Variants in CNTRL observed in about 807,000 individuals in gnomAD.
CNTRL encodes centriolin.
Under a neutral mutation model 303.7 loss-of-function variants are expected in CNTRL, and 233 were observed. That is an observed-to-expected ratio of 0.77 (90% CI 0.69 to 0.86). The LOEUF (loss-of-function observed/expected upper bound fraction) is 0.86. Among genes scored for constraint, CNTRL ranks in the 40% least tolerant of loss-of-function variants. The pLI, the probability that CNTRL is intolerant of heterozygous loss-of-function variation, is 0.00. For missense variants in CNTRL, 2,524 were observed against 2,650.6 expected, an observed-to-expected ratio of 0.95 and a Z score of 1.05; for synonymous variants, 900 against 922.2, an observed-to-expected ratio of 0.98 and a Z score of 0.44.
At chr9:121,084,963 A>G (rs770202516) in intron 2 of CNTRL, among the ~76,000 whole-genome samples, 2 of 152,198 alleles carry the variant, frequency 1.3e-5, no homozygotes, top group African/African-American at 2.4e-5. Context: ...GAAAACATTT[A>G]AAGGAATTTG....
intron 34 of CNTRL, 164 bp downstream of exon 34, chr9:121,162,435 G>A: frequency 3.3e-6 from 2 of 600,134 alleles, no homozygotes; most frequent in African/African-American, 2.0e-5. Flanking sequence ...TTTCCTTCTA[G>A]CTTTTTTTTT....
chr9:121,097,584 T>TC (rs58576016), intron 6 of CNTRL, among the ~76,000 whole-genome samples: 103,012 of 151,910 alleles, frequency 0.68, 35,646 homozygotes, highest in East Asian at 0.96. Flanking sequence ...CCTGTGACAG[T>TC]CAAGAGCCTC....
rs566276339 is a variant in CNTRL at position 121,084,608 on chromosome 9, G to T, written c.-31-3688G>T. Among the ~76,000 whole-genome samples the T allele has an allele frequency of 2.5e-3, 373 of 151,366 alleles. 8 individuals carry two copies. The highest frequency in any genetic ancestry group is 6.8e-3 in the Middle Eastern group (2 of 294). ...CACCCAGGCTGGAGTGCAGTGGCGC[G>T]ATCTTGGCTCACTGCAAGCTCCGCC... On this transcript the variant is annotated intron_variant, in intron 2 of 43. Transcript: ENST00000373855.
rs1275337994 is a variant in CNTRL, at chr9:121,157,959, T to C, written c.4638-24T>C. 4.3e-6 allele frequency: 7 copies of C among 1,614,016 alleles called. No individual in the cohort carries two copies. The Admixed American group carries it at 6.7e-5, about 15-fold the overall frequency. On this transcript the variant is annotated intron_variant, in intron 29 of 43. Transcript: ENST00000373855. ...GGGTTCCGAGTCCCTTAGGATCTGC[T>C]CTAGTGTTGCTGGTGCTTTGTAGGC... is the stretch of plus-strand genomic sequence containing the variant.
In CNTRL at chr9:121,125,917, A is replaced by T. The variant is rs1386196754; in HGVS notation, c.2006A>T (p.Asp669Val). ...ERDQLEIVAMDAENMRKELAE... is the reference protein window; with the variant it reads ...ERDQLEIVAMVAENMRKELAE... The stretch of plus-strand genomic sequence containing the variant: ...GACCAGCTGGAAATAGTTGCCATGG[A>T]TGCAGAAAATATGAGGAAGGTATGA... Residue 669 changes from aspartate (D) to valine (V), a missense_variant, in exon 14 of 44, where the codon GAT (aspartate) becomes GTT (valine). Transcript: ENST00000373855. 1.2e-6 allele frequency: 2 copies of T among 1,614,030 alleles called. No individual in the cohort carries two copies. The highest frequency in any genetic ancestry group is 2.7e-5 in the African/African-American group (2 of 74,952).
intron 2 of CNTRL, 29 bp downstream of exon 2, chr9:121,080,507 G>A (rs1452400194): frequency 2.6e-5 from 4 of 152,224 alleles, no homozygotes; most frequent in African/African-American, 9.6e-5. Flanking sequence ...GTAAATGTTA[G>A]CCACTAGTAT....
rs1471662951 is a variant in CNTRL at position 121,144,952 on chromosome 9, G to A, written c.3161G>A (p.Gly1054Glu). The change falls in exon 21 of 44, where the codon GGG becomes GAG. Residue 1054 changes from glycine (G) to glutamate (E), a missense_variant. Coordinates refer to ENST00000373855, the MANE Select transcript of CNTRL (RefSeq NM_007018.6). ...ELLQNLLRQK[G>E]EQFRLEMEKT... ...CTGCAGAATCTCCTCAGGCAGAAGG[G>A]GGAGCAGGTCAGTGTTGGTACCCAG... 1 of 1,612,812 alleles carries A rather than the reference G, an allele frequency of 6.2e-7. No individual in the cohort carries two copies. Among genetic ancestry groups the A allele is most frequent in the Non-Finnish European group, 8.5e-7 (1 of 1,179,162 alleles).
In CNTRL at chr9:121,140,748, G is replaced by A. The variant is rs963538775; in HGVS notation, c.2445G>A (p.Glu815=). Residue 815 remains glutamate (E), a synonymous_variant, in exon 17 of 44, where the codon GAG becomes GAA. Transcript: ENST00000373855. ...AAGAAGTGGCAGCTCGTGTGGATGAGCTAAGAAGAAAACTGAAATTAGGAA... is the reference window on the plus strand; with the variant it reads ...AAGAAGTGGCAGCTCGTGTGGATGAACTAAGAAGAAAACTGAAATTAGGAA... The part of the protein sequence containing the change: ...RPEEVAARVD[E]LRRKLKLGTG... The A allele has an allele frequency of 1.2e-6, 2 of 1,613,034 alleles. No homozygotes were observed. Among genetic ancestry groups the A allele is most frequent in the African/African-American group, 2.7e-5 (2 of 74,912 alleles).
chr9:121,081,912 C>A (rs1439374244), intron 2 of CNTRL, among the ~76,000 whole-genome samples: 2 of 152,194 alleles, frequency 1.3e-5, no homozygotes, highest in Non-Finnish European at 2.9e-5. Flanking sequence ...AGTCCCAACC[C>A]TCTAAACATG....
chr9:121,095,041 T>C (rs1375895624), intron 5 of CNTRL, 23 bp downstream of exon 5: 4 of 1,567,658 alleles, frequency 2.6e-6, no homozygotes, highest in Non-Finnish European at 3.5e-6. Context: ...ACAAAATCTT[T>C]AGGCAGCATT....
rs556260528 is a variant in CNTRL at position 121,132,336 on chromosome 9, A to G, written c.2026-3470A>G. Among the ~76,000 whole-genome samples, 139 of 151,040 alleles carry G rather than the reference A, an allele frequency of 9.2e-4. 1 individual carries two copies. In the Middle Eastern group the frequency reaches 0.041, roughly 45 times the overall value. On this transcript the variant is annotated intron_variant, in intron 14 of 43. Coordinates refer to ENST00000373855, the MANE Select transcript of CNTRL (RefSeq NM_007018.6). ...TTGGAGGCTTTGTTCATTTCTTTTT[A>G]CTCTTTTTTCTCTAAACTTCTCTTC...
At chr9:121,138,758 A>G in intron 16 of CNTRL, 79 bp downstream of exon 16, 6 of 1,452,120 alleles carry the variant, frequency 4.1e-6, no homozygotes, top group Non-Finnish European at 5.7e-6. Flanking sequence ...GCACTTAGCA[A>G]CCTGCTCTAA....
Position 121,158,089 on chromosome 9 carries a change from C to G in CNTRL, c.4744C>G (p.Leu1582Val). The G allele has an allele frequency of 6.2e-7, 1 of 1,614,068 alleles. No homozygotes were observed. The highest frequency in any genetic ancestry group is 8.5e-7 in the Non-Finnish European group (1 of 1,180,014). ...GCTTCTTCAGGCCAAAAGAGCCGAG[C>G]TGGAAAAGCTGAAAAGCCAGGTATG... Reference protein sequence around the residue: ...EVLLQAKRAELEKLKSQVTSQ... With the variant: ...EVLLQAKRAEVEKLKSQVTSQ... Residue 1582 changes from leucine (L) to valine (V), a missense_variant, in exon 30 of 44, where the codon CTG becomes GTG. Leu to Val is a conservative substitution (Grantham distance 32). Coordinates refer to ENST00000373855, the MANE Select transcript of CNTRL (RefSeq NM_007018.6).
At chr9:121,138,060 C>T (rs1359247784) in intron 15 of CNTRL, among the ~76,000 whole-genome samples, 1 of 152,210 alleles carries the variant, frequency 6.6e-6, no homozygotes, top group Non-Finnish European at 1.5e-5. Context: ...CATGAACTCA[C>T]TTGTGATGCT....
At chr9:121,150,075 A>T (rs1443052387) in intron 24 of CNTRL, 95 bp from the exon 25 acceptor site, 1 of 954,150 alleles carries the variant, frequency 1.0e-6, no homozygotes, top group Non-Finnish European at 1.5e-6. Flanking sequence ...TCTTGGCTTA[A>T]ATGCTGCTGT....
At chr9:121,142,038 G>T in intron 18 of CNTRL, 53 bp from the exon 19 acceptor site, 1 of 1,427,496 alleles carries the variant, frequency 7.0e-7, no homozygotes. Flanking sequence ...TTTTTATTTT[G>T]CTTAAAACAT....
At chr9:121,172,107 G>A (rs1157382181) in intron 40 of CNTRL, among the ~76,000 whole-genome samples, 1 of 152,076 alleles carries the variant, frequency 6.6e-6, no homozygotes, top group African/African-American at 2.4e-5. Flanking sequence ...GACCCCACGT[G>A]GCCATTCTAG....
At chr9:121,177,029 G>C in intron 43 of CNTRL, 134 bp from the exon 44 acceptor site, 2 of 699,506 alleles carry the variant, frequency 2.9e-6, no homozygotes, top group South Asian at 3.5e-5. Context: ...TTGTACACTG[G>C]TTCATCTTAA....
chr9:121,119,078 ATATGTG>A lies in CNTRL; in HGVS notation c.1650+540_1650+545del, dbSNP rs1292939491. Among the ~76,000 whole-genome samples the A allele has an allele frequency of 1.3e-3, 127 of 99,966 alleles. 2 individuals carry two copies. Among genetic ancestry groups the A allele is most frequent in the African/African-American group, 3.5e-3 (116 of 33,292 alleles). 65.6% of individuals were successfully genotyped at this position (99,966 alleles called of 152,430 possible). ...ATATATATGTGTATTATACATAAAT[ATATGTG>A]TGTGTGTGTGTGTGTGTGTGTGTAT... On this transcript the variant is annotated intron_variant, in intron 12 of 43. Coordinates refer to ENST00000373855, the MANE Select transcript of CNTRL (RefSeq NM_007018.6).
Sources: gnomAD v4.1 joint callset for allele counts (sites outside exome capture counted in the v4.1 genomes callset) on GRCh38, gnomAD v4.1.1 for gene constraint, MANE v1.5 for transcripts, NCBI Gene and HGNC (gene_info 2026-07-23, HGNC 2026-07-21) for gene names.